Variants in INPP4B observed in about 807,000 individuals in gnomAD.
INPP4B encodes inositol polyphosphate 4-phosphatase type II.
Under a neutral mutation model 122.5 loss-of-function variants are expected in INPP4B, and 55 were observed. The observed-to-expected ratio is 0.45, with a 90% CI of 0.36 to 0.56. The LOEUF (loss-of-function observed/expected upper bound fraction) is 0.56, where lower values mean the gene tolerates loss of function less well. INPP4B is among the 20% of genes least tolerant of loss of function. INPP4B has a pLI of 0.00. For synonymous variants in INPP4B, 403 were observed against 388.7 expected, an observed-to-expected ratio of 1.04 and a Z score of -0.43; for missense variants, 1,000 against 1,097.7, an observed-to-expected ratio of 0.91 and a Z score of 1.26.
rs867643262 is a variant in INPP4B, at chr4:142,545,737, A to G, written c.-190-83011T>C. 4.0e-3 allele frequency among the ~76,000 whole-genome samples: 399 copies of G among 100,644 alleles called. 3 individuals are homozygous for G. Among genetic ancestry groups the G allele is most frequent in the South Asian group, 7.4e-3 (26 of 3,494 alleles). The allele number at this position is 100,644 out of a possible 152,430, so 66.0% of individuals were successfully genotyped here. A position where few individuals can be genotyped will look rare whatever the true frequency, so the allele number is the denominator to read the frequency against. ...TGTGTATATGTGTGTATATACACAT[A>G]TATGTGTATATATATACACATGTAT... On this transcript the variant is annotated intron_variant, in intron 2 of 25. Coordinates refer to ENST00000262992, the MANE Select transcript of INPP4B (RefSeq NM_001101669.3).
chr4:142,447,271 G>A (rs1813116691), intron 3 of INPP4B, among the ~76,000 whole-genome samples: 2 of 152,124 alleles, frequency 1.3e-5, no homozygotes, highest in South Asian at 2.1e-4. Flanking sequence ...AGCAGTGCTC[G>A]GCAGCCTGGA....
chr4:142,475,648 C>T (rs895688371), intron 2 of INPP4B, among the ~76,000 whole-genome samples: 2 of 151,924 alleles, frequency 1.3e-5, no homozygotes, highest in Non-Finnish European at 2.9e-5. Flanking sequence ...TAAGAAAGAA[C>T]CAAACTGAGC....
chr4:142,819,720 A>G (rs959846003), intron 1 of INPP4B, among the ~76,000 whole-genome samples: 2 of 152,136 alleles, frequency 1.3e-5, no homozygotes, highest in African/African-American at 4.8e-5. Flanking sequence ...TGTCCTGTCC[A>G]GATCTTTCTT....
intron 17 of INPP4B, among the ~76,000 whole-genome samples, chr4:142,150,663 C>T (rs1813389589): frequency 6.6e-6 from 1 of 152,068 alleles, no homozygotes; most frequent in African/African-American, 2.4e-5. Context: ...TGGGTTACAA[C>T]CTAAGGTAAC....
chr4:142,538,429 T>C (rs557362655), intron 2 of INPP4B, among the ~76,000 whole-genome samples: 159 of 152,212 alleles, frequency 1.0e-3, no homozygotes, highest in African/African-American at 3.5e-3. Flanking sequence ...ATATATATAC[T>C]AAAACACAGA....
intron 2 of INPP4B, among the ~76,000 whole-genome samples, chr4:142,512,726 C>CT (rs1404585620): frequency 6.6e-6 from 1 of 152,148 alleles, no homozygotes. Flanking sequence ...AGCAGAGCCT[C>CT]TAATGTGCAA....
rs1242737560 is a variant in INPP4B at position 142,061,893 on chromosome 4, T to C, written c.2642+20138A>G. Among the ~76,000 whole-genome samples, 4 of 1,880 alleles carry C rather than the reference T, an allele frequency of 2.1e-3. 1 individual carries two copies. Among genetic ancestry groups the C allele is most frequent in the African/African-American group, 1.6e-3 (2 of 1,244 alleles). The allele number at this position is 1,880 out of a possible 152,430, so 1.2% of individuals were successfully genotyped here. On this transcript the variant is annotated intron_variant, in intron 25 of 25. Coordinates refer to ENST00000262992, the MANE Select transcript of INPP4B (RefSeq NM_001101669.3). The stretch of plus-strand genomic sequence containing the variant: ...ACACACACACACACACACATATATA[T>C]ATATATATATATATATATATATATA...
chr4:142,306,916 G>A (rs1233362428), intron 8 of INPP4B, among the ~76,000 whole-genome samples: 3 of 152,104 alleles, frequency 2.0e-5, no homozygotes, highest in Admixed American at 2.0e-4. Flanking sequence ...GGATAGGAAA[G>A]GCAACTCGGT....
chr4:142,497,984 G>GA (rs912313257), intron 2 of INPP4B, among the ~76,000 whole-genome samples: 1 of 151,996 alleles, frequency 6.6e-6, no homozygotes, highest in African/African-American at 2.4e-5. Context: ...TGAATGAAAA[G>GA]AAAAAACTGC....
chr4:142,639,228 T>A (rs1478242186), intron 2 of INPP4B, among the ~76,000 whole-genome samples: 1 of 152,168 alleles, frequency 6.6e-6, no homozygotes, highest in Non-Finnish European at 1.5e-5. Flanking sequence ...TGTAAGTTGC[T>A]TTTTTTGTAA....
chr4:142,185,388 A>ATG (rs145785141), intron 15 of INPP4B, among the ~76,000 whole-genome samples: 98,836 of 146,042 alleles, frequency 0.68, 38,340 homozygotes, highest in Non-Finnish European at 0.86. Context: ...ATATATGTGT[A>ATG]TGTGTGTGTG....
intron 1 of INPP4B, among the ~76,000 whole-genome samples, chr4:142,840,301 C>T (rs1783320852): frequency 6.6e-6 from 1 of 151,904 alleles, no homozygotes. Context: ...TCTTTGACTC[C>T]TAGAAAAAAA....
intron 24 of INPP4B, among the ~76,000 whole-genome samples, chr4:142,084,397 G>A (rs1273595116): frequency 6.6e-6 from 1 of 152,086 alleles, no homozygotes; most frequent in East Asian, 1.9e-4. Context: ...GAGATTACAG[G>A]TGTGAGCCAC....
intron 5 of INPP4B, among the ~76,000 whole-genome samples, chr4:142,408,356 C>A (rs1803883019): frequency 1.3e-5 from 2 of 152,010 alleles, no homozygotes; most frequent in African/African-American, 4.8e-5. Context: ...AATTCCAGAC[C>A]AGCCTGGCCA....
At chr4:142,750,157 T>C (rs770579509) in intron 1 of INPP4B, among the ~76,000 whole-genome samples, 5 of 151,910 alleles carry the variant, frequency 3.3e-5, no homozygotes, top group Non-Finnish European at 5.9e-5. Context: ...CACACTAAAA[T>C]GTAATATAAT....
At chr4:142,611,475 A>G (rs1742481661) in intron 2 of INPP4B, among the ~76,000 whole-genome samples, 1 of 152,176 alleles carries the variant, frequency 6.6e-6, no homozygotes, top group South Asian at 2.1e-4. Flanking sequence ...AGTATATAAC[A>G]TACTCATAAC....
chr4:142,045,338 C>T (rs1278984598), intron 25 of INPP4B, among the ~76,000 whole-genome samples: 2 of 152,036 alleles, frequency 1.3e-5, no homozygotes, highest in Non-Finnish European at 2.9e-5. Context: ...GCCACAATGC[C>T]TTTGTACTGG....
chr4:142,349,770 C>T (rs1047701363), intron 7 of INPP4B, among the ~76,000 whole-genome samples: 1 of 151,746 alleles, frequency 6.6e-6, no homozygotes, highest in African/African-American at 2.4e-5. Flanking sequence ...CTTTCCCTCC[C>T]CAAGAATCAA....
intron 10 of INPP4B, among the ~76,000 whole-genome samples, chr4:142,266,227 G>T (rs1742740219): frequency 6.6e-6 from 1 of 152,136 alleles, no homozygotes. Flanking sequence ...GGAATGAAGG[G>T]ATCCAGCCCT....
Sources: gnomAD v4.1 joint callset for allele counts (sites outside exome capture counted in the v4.1 genomes callset) on GRCh38, gnomAD v4.1.1 for gene constraint, MANE v1.5 for transcripts, NCBI Gene and HGNC (gene_info 2026-07-23, HGNC 2026-07-21) for gene names.